Variants in PARD3 observed in about 807,000 individuals in gnomAD.
PARD3 encodes the protein partitioning defective 3 homolog.
In PARD3, 75 loss-of-function variants were observed where a neutral mutation model predicts 155.4. The ratio of observed to expected loss-of-function variants is 0.48; its 90% CI spans 0.40 to 0.58. The LOEUF is 0.58. Among genes scored for constraint, PARD3 ranks in the 20% least tolerant of loss-of-function variants. The pLI is 0.00. For missense variants in PARD3, 1,642 were observed against 1,721.7 expected (o/e 0.95, Z 0.82); for synonymous variants, 576 against 610.5 (o/e 0.94, Z 0.83).
At chr10:34,456,740 A>G (rs940822837) in intron 4 of PARD3, among the ~76,000 whole-genome samples, 4 of 152,246 alleles carry the variant, frequency 2.6e-5, no homozygotes, top group Admixed American at 6.5e-5. Context: ...AATTTTTACT[A>G]GGATTTTTCC....
chr10:34,588,958 C>A (rs1335212502), intron 2 of PARD3, among the ~76,000 whole-genome samples: 2 of 152,160 alleles, frequency 1.3e-5, no homozygotes, highest in East Asian at 3.9e-4. Flanking sequence ...GTAGCACAGG[C>A]TCCATGGCTC....
At chr10:34,585,175 C>T (rs539598919) in intron 2 of PARD3, among the ~76,000 whole-genome samples, 1 of 152,266 alleles carries the variant, frequency 6.6e-6, no homozygotes, top group Non-Finnish European at 1.5e-5. Context: ...CAGTTTATTA[C>T]ACACTTGACA....
At chr10:34,402,121 C>T (rs928637168) in intron 5 of PARD3, among the ~76,000 whole-genome samples, 2 of 151,790 alleles carry the variant, frequency 1.3e-5, no homozygotes, top group African/African-American at 4.8e-5. Flanking sequence ...GATAGTGTAT[C>T]CCAGAAGGTG....
intron 2 of PARD3, among the ~76,000 whole-genome samples, chr10:34,673,615 C>T (rs142954213): frequency 1.3e-5 from 2 of 152,250 alleles, no homozygotes; most frequent in African/African-American, 4.8e-5. Flanking sequence ...ACATTAGTAG[C>T]CAACACCACC....
intron 1 of PARD3, among the ~76,000 whole-genome samples, chr10:34,712,152 G>C (rs968284857): frequency 6.6e-6 from 1 of 152,172 alleles, no homozygotes; most frequent in Admixed American, 6.5e-5. Context: ...CCTCACTCTA[G>C]TCCCGATGGA....
intron 21 of PARD3, among the ~76,000 whole-genome samples, chr10:34,270,721 G>C (rs1016635813): frequency 2.0e-5 from 3 of 152,170 alleles, no homozygotes; most frequent in Admixed American, 6.5e-5. Flanking sequence ...GAGGATCTCA[G>C]CTTAATGACA....
At position 34,478,191 on chromosome 10, in the gene PARD3, T is replaced by C. The variant is rs567032727; in HGVS notation, c.404-7928A>G. Among the ~76,000 whole-genome samples the C allele has an allele frequency of 5.6e-4, 86 of 152,322 alleles. 1 individual carries two copies. Among genetic ancestry groups the C allele is most frequent in the African/African-American group, 1.9e-3 (81 of 41,580 alleles). On this transcript the variant is annotated intron_variant, in intron 3 of 24. Coordinates refer to ENST00000374788, the MANE Select transcript of PARD3 (RefSeq NM_001184785.2). ...TTCTATATAAGCAATAAATACAGGATACTATGGTTGGAAGATGCTTAGTGA... is the reference window on the plus strand; with the variant it reads ...TTCTATATAAGCAATAAATACAGGACACTATGGTTGGAAGATGCTTAGTGA...
chr10:34,552,510 C>T (rs918013515), intron 2 of PARD3, among the ~76,000 whole-genome samples: 1 of 152,160 alleles, frequency 6.6e-6, no homozygotes, highest in Admixed American at 6.5e-5. Context: ...GAGTTCCAGA[C>T]CAGCCTGGTC....
At chr10:34,293,270 T>G (rs1025256803) in intron 20 of PARD3, among the ~76,000 whole-genome samples, 1 of 152,190 alleles carries the variant, frequency 6.6e-6, no homozygotes, top group Non-Finnish European at 1.5e-5. Context: ...AACTAGCTGA[T>G]AGACAAGAAG....
chr10:34,372,393 G>A (rs749393901), intron 12 of PARD3, 105 bp downstream of exon 12: 23 of 880,512 alleles, frequency 2.6e-5, no homozygotes, highest in Middle Eastern at 2.2e-4. Flanking sequence ...TAAATATTAC[G>A]AGCCAGGAAA....
intron 1 of PARD3, among the ~76,000 whole-genome samples, chr10:34,760,877 C>T (rs1419408004): frequency 6.6e-6 from 1 of 152,162 alleles, no homozygotes; most frequent in Non-Finnish European, 1.5e-5. Flanking sequence ...CCAACTAACA[C>T]ACACCTCAAG....
chr10:34,672,418 T>A (rs2093625918), intron 2 of PARD3, among the ~76,000 whole-genome samples: 1 of 152,238 alleles, frequency 6.6e-6, no homozygotes, highest in Non-Finnish European at 1.5e-5. Context: ...CATTCTGATC[T>A]TACAGAAACA....
chr10:34,535,247 C>T (rs1304461882), intron 2 of PARD3, among the ~76,000 whole-genome samples: 1 of 152,062 alleles, frequency 6.6e-6, no homozygotes, highest in East Asian at 1.9e-4. Context: ...AGAAGAAATT[C>T]TTCTAACACA....
intron 3 of PARD3, among the ~76,000 whole-genome samples, chr10:34,483,481 C>T (rs1589735104): frequency 1.0e-5 from 1 of 98,060 alleles, no homozygotes; most frequent in South Asian, 2.8e-4. Flanking sequence ...GACTCTGTCA[C>T]CAAAAAAAAA....
chr10:34,560,386 A>G (rs1413582227), intron 2 of PARD3, among the ~76,000 whole-genome samples: 1 of 152,318 alleles, frequency 6.6e-6, no homozygotes, highest in East Asian at 1.9e-4. Flanking sequence ...CTAAGCAGAC[A>G]TTTGTATATA....
At chr10:34,181,910 A>G (rs1950284904) in intron 22 of PARD3, among the ~76,000 whole-genome samples, 1 of 152,172 alleles carries the variant, frequency 6.6e-6, no homozygotes, top group Non-Finnish European at 1.5e-5. Context: ...GATAGAGGGA[A>G]AAGGTGCACA....
At chr10:34,483,388 A>AG (rs1409920838) in intron 3 of PARD3, among the ~76,000 whole-genome samples, 1 of 150,648 alleles carries the variant, frequency 6.6e-6, no homozygotes, top group African/African-American at 2.4e-5. Flanking sequence ...AAGATGAGGC[A>AG]GGATAATTGC....
Position 34,359,193 on chromosome 10 carries a change from C to T in PARD3, c.2021G>A (p.Gly674Glu). Residue 674 changes from glycine (G) to glutamate (E), a missense_variant, in exon 14 of 25, where the codon GGA becomes GAA. Gly to Glu is a moderately conservative substitution (Grantham distance 98). This residue lies in a region of PARD3 where 1,529 missense variants were observed against 1,587.3 expected (regional missense o/e 0.96). Coordinates refer to ENST00000374788, the MANE Select transcript of PARD3 (RefSeq NM_001184785.2). ...RSMSTEGNKRGMIQLIVARRI... is the reference protein window; with the variant it reads ...RSMSTEGNKREMIQLIVARRI... The stretch of plus-strand genomic sequence containing the variant: ...CCTTGCAACAATAAGCTGGATCATT[C>T]CTCGTTTATTGCCTTCAGTAGACAT... 2 of 1,613,984 alleles carry T rather than the reference C, an allele frequency of 1.2e-6. No homozygotes were observed. The highest frequency in any genetic ancestry group is 1.7e-6 in the Non-Finnish European group (2 of 1,179,924).
intron 3 of PARD3, among the ~76,000 whole-genome samples, chr10:34,492,771 G>A (rs1297461904): frequency 6.6e-6 from 1 of 152,164 alleles, no homozygotes; most frequent in African/African-American, 2.4e-5. Context: ...ATAATCTTGT[G>A]AAATCATCTG....
Sources: allele counts gnomAD v4.1 joint callset (sites outside exome capture counted in the v4.1 genomes callset), GRCh38; gene constraint gnomAD v4.1.1; regional missense constraint gnomAD v4.1.1; transcripts MANE v1.5; gene names NCBI Gene and HGNC (gene_info 2026-07-23, HGNC 2026-07-21).